Variants in RALYL observed in about 807,000 individuals in gnomAD.
RALYL encodes the protein RALY RNA binding protein like.
Under a neutral mutation model 35.1 loss-of-function variants are expected in RALYL, and 29 were observed. That is an observed-to-expected ratio of 0.83 (90% CI 0.61 to 1.13). The LOEUF is 1.13. RALYL is among the 50% of genes most tolerant of loss of function. The pLI, the probability that RALYL is intolerant of heterozygous loss-of-function variation, is 0.00. For missense variants in RALYL, 359 were observed against 360.4 expected (o/e 1.00, Z 0.03); for synonymous variants, 120 against 127.6 (o/e 0.94, Z 0.40).
chr8:84,903,787 G>A (rs367621643), intron 8 of RALYL, among the ~76,000 whole-genome samples: 111 of 152,172 alleles, frequency 7.3e-4, no homozygotes, highest in African/African-American at 2.4e-3. Context: ...AGTCTTTCCC[G>A]TCTTGTAAAT....
At chr8:84,763,265 T>C (rs1813115654) in intron 2 of RALYL, among the ~76,000 whole-genome samples, 1 of 152,206 alleles carries the variant, frequency 6.6e-6, no homozygotes, top group East Asian at 1.9e-4. Context: ...TCTTGGGGTC[T>C]CCTTTGCTTC....
chr8:84,261,315 A>T (rs1832255443), intron 1 of RALYL, among the ~76,000 whole-genome samples: 1 of 152,118 alleles, frequency 6.6e-6, no homozygotes, highest in Admixed American at 6.5e-5. Flanking sequence ...TAGTTCCCAT[A>T]ATCCCCACGT....
intron 4 of RALYL, among the ~76,000 whole-genome samples, chr8:84,830,392 G>T (rs1181392097): frequency 6.6e-6 from 1 of 152,008 alleles, no homozygotes; most frequent in African/African-American, 2.4e-5. Context: ...AGAAAAAATG[G>T]GGGGTGGGGG....
intron 1 of RALYL, among the ~76,000 whole-genome samples, chr8:84,480,968 C>A (rs2053979296): frequency 6.6e-6 from 1 of 151,956 alleles, no homozygotes. Context: ...TGTTTTTATA[C>A]TATTTTAATG....
At chr8:84,462,314 G>A (rs1426134624) in intron 1 of RALYL, among the ~76,000 whole-genome samples, 1 of 151,214 alleles carries the variant, frequency 6.6e-6, no homozygotes, top group African/African-American at 2.4e-5. Flanking sequence ...CATTTTAAAG[G>A]TTCTCAATAT....
chr8:84,738,091 A>G (rs1026862672), intron 2 of RALYL, among the ~76,000 whole-genome samples: 1 of 152,026 alleles, frequency 6.6e-6, no homozygotes, highest in South Asian at 2.1e-4. Flanking sequence ...TCAGATAAGT[A>G]AGTCAATGAT....
intron 4 of RALYL, among the ~76,000 whole-genome samples, chr8:84,808,391 G>A (rs56714941): frequency 0.018 from 2,744 of 152,210 alleles, 80 homozygotes; most frequent in African/African-American, 0.062. Context: ...GTACCACACC[G>A]TTTTGGTGAC....
chr8:84,242,568 G>T (rs1310166867), intron 1 of RALYL, among the ~76,000 whole-genome samples: 1 of 152,122 alleles, frequency 6.6e-6, no homozygotes, highest in Non-Finnish European at 1.5e-5. Context: ...ATTTTGATTT[G>T]CATTTCTCTA....
chr8:84,577,642 T>C (rs1309536026), intron 2 of RALYL, among the ~76,000 whole-genome samples: 1 of 152,210 alleles, frequency 6.6e-6, no homozygotes, highest in African/African-American at 2.4e-5. Context: ...GTTGAGATTT[T>C]TGTCTAAAGA....
intron 6 of RALYL, 38 bp downstream of exon 6, chr8:84,862,491 G>A (rs911569976): frequency 1.3e-5 from 19 of 1,483,726 alleles, no homozygotes; most frequent in Non-Finnish European, 1.6e-5. Context: ...CTTTAAAGAA[G>A]GGAGTGATTA....
intron 1 of RALYL, among the ~76,000 whole-genome samples, chr8:84,518,492 C>T (rs1297903857): frequency 6.6e-6 from 1 of 152,164 alleles, no homozygotes; most frequent in Non-Finnish European, 1.5e-5. Flanking sequence ...ATTGCATCTA[C>T]AGTCATAGCA....
At chr8:84,825,773 C>T (rs1248430034) in intron 4 of RALYL, among the ~76,000 whole-genome samples, 1 of 152,088 alleles carries the variant, frequency 6.6e-6, no homozygotes, top group Non-Finnish European at 1.5e-5. Flanking sequence ...GAGGCCGAGG[C>T]AGGAGAACCG....
At chr8:84,676,439 G>T (rs935200707) in intron 2 of RALYL, among the ~76,000 whole-genome samples, 1 of 152,166 alleles carries the variant, frequency 6.6e-6, no homozygotes, top group Non-Finnish European at 1.5e-5. Context: ...TGAGAATGTT[G>T]CAATCAAAAC....
chr8:84,744,207 AT>A (rs1808075068), intron 2 of RALYL, among the ~76,000 whole-genome samples: 1 of 152,006 alleles, frequency 6.6e-6, no homozygotes, highest in Non-Finnish European at 1.5e-5. Flanking sequence ...GGAAGCAAAC[AT>A]TTGCTTAGCC....
intron 2 of RALYL, among the ~76,000 whole-genome samples, chr8:84,663,026 C>T (rs564188286): frequency 6.6e-6 from 1 of 152,170 alleles, no homozygotes; most frequent in South Asian, 2.1e-4. Context: ...TTACTCTCCT[C>T]CCTGAGTCCA....
chr8:84,494,470 T>C (rs964694311), intron 1 of RALYL, among the ~76,000 whole-genome samples: 3 of 152,174 alleles, frequency 2.0e-5, no homozygotes, highest in Non-Finnish European at 2.9e-5. Flanking sequence ...GGGAATGTTA[T>C]TGAATCTGTA....
At chr8:84,420,247 G>A (rs530465413) in intron 1 of RALYL, among the ~76,000 whole-genome samples, 1 of 152,208 alleles carries the variant, frequency 6.6e-6, no homozygotes, top group South Asian at 2.1e-4. Flanking sequence ...TCTAACTGGT[G>A]TGAGATGGTA....
chr8:84,889,395 C>A (rs1351267520), intron 8 of RALYL, among the ~76,000 whole-genome samples: 4 of 152,146 alleles, frequency 2.6e-5, no homozygotes, highest in Non-Finnish European at 5.9e-5. Flanking sequence ...TACTTCTCAG[C>A]AGAATTTTTC....
chr8:84,869,452 T>C (rs1839792420), intron 6 of RALYL, among the ~76,000 whole-genome samples: 1 of 152,182 alleles, frequency 6.6e-6, no homozygotes, highest in Non-Finnish European at 1.5e-5. Context: ...ATTATAAACA[T>C]TTTTCAGTTT....
Sources: allele counts gnomAD v4.1 joint callset (sites outside exome capture counted in the v4.1 genomes callset), GRCh38; gene constraint gnomAD v4.1.1; transcripts MANE v1.5; gene names NCBI Gene and HGNC (gene_info 2026-07-23, HGNC 2026-07-21).